EBF1: variants seen among roughly 807,000 people sequenced by gnomAD.
The protein encoded by EBF1 is transcription factor COE1.
In EBF1, 10 loss-of-function variants were observed where a neutral mutation model predicts 68.4. The observed-to-expected ratio is 0.15, with a 90% CI of 0.09 to 0.25. The LOEUF (loss-of-function observed/expected upper bound fraction) is 0.25. Ranked by LOEUF, EBF1 falls within the 10% of genes least tolerant of loss-of-function variation. The pLI is 1.00. For missense variants in EBF1, 509 were observed against 794.4 expected (o/e 0.64, Z 4.32); for synonymous variants, 298 against 299.8 (o/e 0.99, Z 0.06).
At chr5:158,881,496 G>C (rs1243290341) in intron 6 of EBF1, among the ~76,000 whole-genome samples, 1 of 152,214 alleles carries the variant, frequency 6.6e-6, no homozygotes, top group Non-Finnish European at 1.5e-5. Context: ...TTAGTACAAG[G>C]AGGGCATTTG....
At chr5:158,702,785 G>A (rs1286948147) in intron 15 of EBF1, among the ~76,000 whole-genome samples, 9 of 137,166 alleles carry the variant, frequency 6.6e-5, no homozygotes, top group Non-Finnish European at 1.1e-4. Context: ...AGAATTATGA[G>A]CTAATCAGGA....
intron 6 of EBF1, among the ~76,000 whole-genome samples, chr5:159,032,908 G>A (rs1184762596): frequency 6.6e-6 from 1 of 151,922 alleles, no homozygotes; most frequent in African/African-American, 2.4e-5. Flanking sequence ...AGAAGGGAGG[G>A]GAAGGAAAGC....
chr5:158,735,607 C>T (rs890697876), intron 10 of EBF1, among the ~76,000 whole-genome samples: 1 of 152,082 alleles, frequency 6.6e-6, no homozygotes, highest in Non-Finnish European at 1.5e-5. Context: ...TGATGTGATA[C>T]TGGGGAATGG....
At chr5:158,866,300 A>T (rs1282649787) in intron 6 of EBF1, among the ~76,000 whole-genome samples, 1 of 152,090 alleles carries the variant, frequency 6.6e-6, no homozygotes, top group East Asian at 1.9e-4. Flanking sequence ...TGTAACCCTA[A>T]CTCATCTGAA....
At chr5:158,807,395 G>A (rs116735150) in intron 8 of EBF1, among the ~76,000 whole-genome samples, 2,562 of 152,200 alleles carry the variant, frequency 0.017, 76 homozygotes, top group African/African-American at 0.058. Context: ...TTCCCTACCC[G>A]TTGCCATTTG....
chr5:158,764,634 T>A (rs578211626), intron 10 of EBF1, among the ~76,000 whole-genome samples: 2 of 152,182 alleles, frequency 1.3e-5, no homozygotes, highest in Admixed American at 1.3e-4. Flanking sequence ...TTGTATCAGC[T>A]GGTGATAGCG....
intron 6 of EBF1, among the ~76,000 whole-genome samples, chr5:158,986,148 A>G (rs1021402193): frequency 2.0e-5 from 3 of 152,180 alleles, no homozygotes; most frequent in Non-Finnish European, 2.9e-5. Context: ...TCTCCTTCCC[A>G]GCTTAATTAA....
intron 6 of EBF1, among the ~76,000 whole-genome samples, chr5:158,981,892 A>G (rs1757972981): frequency 6.6e-6 from 1 of 152,214 alleles, no homozygotes. Context: ...CAGCGGACAC[A>G]TATAGCAAAA....
intron 6 of EBF1, among the ~76,000 whole-genome samples, chr5:159,053,064 T>G (rs1387003101): frequency 6.6e-6 from 1 of 152,202 alleles, no homozygotes; most frequent in Admixed American, 6.5e-5. Flanking sequence ...AATGAATATA[T>G]TAAGGGCTGC....
chr5:158,732,337 CA>C (rs957700404), intron 10 of EBF1, among the ~76,000 whole-genome samples: 71 of 152,228 alleles, frequency 4.7e-4, no homozygotes, highest in African/African-American at 1.7e-3. Flanking sequence ...GTATTAAATT[CA>C]AATAGGTCCC....
chr5:158,954,971 T>C (rs1708352933), intron 6 of EBF1, among the ~76,000 whole-genome samples: 1 of 152,060 alleles, frequency 6.6e-6, no homozygotes, highest in South Asian at 2.1e-4. Flanking sequence ...AAACTTAACA[T>C]GGAGTGTTAT....
At chr5:159,081,782 G>A (rs1779780026) in intron 5 of EBF1, among the ~76,000 whole-genome samples, 1 of 152,210 alleles carries the variant, frequency 6.6e-6, no homozygotes, top group Non-Finnish European at 1.5e-5. Flanking sequence ...AACACAGGAT[G>A]TCAGGATGCC....
chr5:158,910,993 T>C (rs1313151200), intron 6 of EBF1, among the ~76,000 whole-genome samples: 2 of 152,170 alleles, frequency 1.3e-5, no homozygotes, highest in Admixed American at 6.5e-5. Flanking sequence ...AGTGTGTGTA[T>C]GCCTTGCAGG....
intron 11 of EBF1, among the ~76,000 whole-genome samples, chr5:158,723,929 C>T (rs965245228): frequency 6.6e-6 from 1 of 152,096 alleles, no homozygotes; most frequent in Non-Finnish European, 1.5e-5. Flanking sequence ...TCATAACGCA[C>T]ACATGCACGC....
intron 6 of EBF1, among the ~76,000 whole-genome samples, chr5:158,853,285 C>T (rs1793333560): frequency 6.6e-6 from 1 of 152,200 alleles, no homozygotes; most frequent in Admixed American, 6.5e-5. Context: ...CCTGGCCAGT[C>T]AGAGTATCAT....
At position 158,947,466 on chromosome 5, in the gene EBF1, C is replaced by T. The variant is rs116562103; in HGVS notation, c.555-107356G>A. Reference sequence around the variant, plus strand: ...GGAGGGAGTTTCCTGACTGCTTGTGCTTTCCAGGTGAGGCAGCGCCCCGTC... The same window carrying T: ...GGAGGGAGTTTCCTGACTGCTTGTGTTTTCCAGGTGAGGCAGCGCCCCGTC... On this transcript the variant is annotated intron_variant, in intron 6 of 15. Transcript: ENST00000313708. Among the ~76,000 whole-genome samples the T allele has an allele frequency of 3.2e-3, 492 of 152,330 alleles. 3 individuals carry two copies. The highest frequency in any genetic ancestry group is 0.011 in the African/African-American group (467 of 41,570).
At chr5:158,933,921 G>A (rs767510821) in intron 6 of EBF1, among the ~76,000 whole-genome samples, 2 of 152,190 alleles carry the variant, frequency 1.3e-5, no homozygotes, top group Non-Finnish European at 1.5e-5. Context: ...CTTCCACAAA[G>A]GACAGTCTGC....
chr5:159,030,967 G>A (rs1038208700), intron 6 of EBF1, among the ~76,000 whole-genome samples: 2 of 152,156 alleles, frequency 1.3e-5, no homozygotes, highest in Admixed American at 6.5e-5. Flanking sequence ...GAGGTTGGGA[G>A]TTCAAGACCA....
At position 159,079,641 on chromosome 5, in the gene EBF1, T is replaced by G. The variant is rs570063190; in HGVS notation, c.485+5025A>C. The stretch of plus-strand genomic sequence containing the variant: ...TTTTTTTTTGAGATGGTGTGGAGTC[T>G]CGCTCTGTCACCCAGGCTGGAGTGC... On this transcript the variant is annotated intron_variant, in intron 5 of 15. Coordinates refer to ENST00000313708, the MANE Select transcript of EBF1 (RefSeq NM_024007.5). Among the ~76,000 whole-genome samples the G allele has an allele frequency of 1.3e-4, 18 of 143,116 alleles. No individual in the cohort carries two copies. In the Admixed American group the frequency reaches 1.3e-3, roughly 10 times the overall value. The allele number at this position is 143,116 out of a possible 152,430, so 93.9% of individuals were successfully genotyped here.
Sources: gnomAD v4.1 joint callset for allele counts (sites outside exome capture counted in the v4.1 genomes callset) on GRCh38, gnomAD v4.1.1 for gene constraint, MANE v1.5 for transcripts, NCBI Gene and HGNC (gene_info 2026-07-23, HGNC 2026-07-21) for gene names.